The following KDM4B variants were observed in gnomAD, a reference collection of about 807,000 sequenced individuals.
The protein encoded by KDM4B is lysine demethylase 4B.
Under a neutral mutation model 125.2 loss-of-function variants are expected in KDM4B, and 32 were observed. The ratio of observed to expected loss-of-function variants is 0.26; its 90% CI spans 0.19 to 0.34. The LOEUF is 0.34. Among genes scored for constraint, KDM4B ranks in the 10% least tolerant of loss-of-function variants. KDM4B has a pLI of 1.00. For missense variants in KDM4B, 1,190 were observed against 1,577.7 expected, an observed-to-expected ratio of 0.75 and a Z score of 4.16; for synonymous variants, 721 against 677.9, an observed-to-expected ratio of 1.06 and a Z score of -0.99.
chr19:5,003,092 C>T (rs188157437), intron 1 of KDM4B, among the ~76,000 whole-genome samples: 18 of 152,320 alleles, frequency 1.2e-4, no homozygotes, highest in Admixed American at 3.9e-4. Context: ...TTTACACTCA[C>T]GTTCCGATTC....
chr19:5,114,191 C>A lies in KDM4B; in HGVS notation c.1115+3373C>A. On this transcript the variant is annotated intron_variant, in intron 10 of 22. Coordinates refer to ENST00000159111, the MANE Select transcript of KDM4B (RefSeq NM_015015.3). The surrounding 1 kb of genome is among the most constrained non-coding windows in gnomAD (Gnocchi z 5.8). Reference sequence around the variant, plus strand: ...CTCCTCCATGCAAACTCTTTCCACGCGAGAAGCGCCATGTGCACGTGCTCC... The same window carrying A: ...CTCCTCCATGCAAACTCTTTCCACGAGAGAAGCGCCATGTGCACGTGCTCC... The A allele has an allele frequency of 3.1e-6, 4 of 1,289,752 alleles. No homozygotes were observed. Among genetic ancestry groups the A allele is most frequent in the Non-Finnish European group, 3.0e-6 (3 of 988,850 alleles). 79.9% of individuals were successfully genotyped at this position (1,289,752 alleles called of 1,614,324 possible).
At chr19:5,059,866 C>T (rs1399586274) in intron 6 of KDM4B, among the ~76,000 whole-genome samples, 1 of 152,358 alleles carries the variant, frequency 6.6e-6, no homozygotes, top group East Asian at 1.9e-4. Flanking sequence ...CACAGAGACT[C>T]AGACTCCCAC....
At chr19:5,088,879 C>T (rs1021427117) in intron 9 of KDM4B, among the ~76,000 whole-genome samples, 8 of 152,306 alleles carry the variant, frequency 5.3e-5, no homozygotes, top group Admixed American at 2.0e-4. Context: ...CTCTGCCATC[C>T]GCTCAGCCAT....
At chr19:5,103,411 G>A (rs969733320) in intron 9 of KDM4B, among the ~76,000 whole-genome samples, 2 of 152,230 alleles carry the variant, frequency 1.3e-5, no homozygotes, top group Non-Finnish European at 2.9e-5. Context: ...AGCCCCGCCC[G>A]CTTTCTCATT....
At chr19:5,124,412 G>C (rs1230526457) in intron 11 of KDM4B, among the ~76,000 whole-genome samples, 1 of 152,196 alleles carries the variant, frequency 6.6e-6, no homozygotes. Flanking sequence ...TGGCTGGTCA[G>C]AGTCTGTCCT....
At chr19:5,038,492 A>G (rs978788504) in intron 3 of KDM4B, among the ~76,000 whole-genome samples, 1 of 152,148 alleles carries the variant, frequency 6.6e-6, no homozygotes, top group African/African-American at 2.4e-5. Context: ...TCTCGGTTTA[A>G]CTCTAAATTA....
chr19:5,105,108 C>T (rs993480075), intron 9 of KDM4B, among the ~76,000 whole-genome samples: 4 of 152,328 alleles, frequency 2.6e-5, no homozygotes, highest in Admixed American at 6.5e-5. Flanking sequence ...CTGGGGGCAG[C>T]GTGCCCACAG....
intron 1 of KDM4B, among the ~76,000 whole-genome samples, chr19:5,012,045 C>T (rs2035744683): frequency 6.6e-6 from 1 of 152,200 alleles, no homozygotes. Context: ...GGGGCGTTGT[C>T]GTCCGATGCC....
intron 11 of KDM4B, among the ~76,000 whole-genome samples, chr19:5,124,017 C>T (rs1011949332): frequency 7.2e-5 from 11 of 151,832 alleles, no homozygotes; most frequent in Admixed American, 4.6e-4. Flanking sequence ...GGGCTGGGGT[C>T]CCTGGGGGTG....
At chr19:5,049,430 G>C (rs1010961718) in intron 6 of KDM4B, among the ~76,000 whole-genome samples, 80 of 152,172 alleles carry the variant, frequency 5.3e-4, no homozygotes, top group African/African-American at 1.9e-3. Flanking sequence ...CAGTTCTTTC[G>C]GGAAGGGAAT....
rs563126541 is a variant in KDM4B, at chr19:5,100,853, C to T, written c.919-9769C>T. Among the ~76,000 whole-genome samples, 8 of 152,162 alleles carry T rather than the reference C, an allele frequency of 5.3e-5. No homozygotes were observed. The South Asian group carries it at 6.2e-4, about 12-fold the overall frequency. On this transcript the variant is annotated intron_variant, in intron 9 of 22. Coordinates refer to ENST00000159111, the MANE Select transcript of KDM4B (RefSeq NM_015015.3). ...TGAATATTCCTTTTGTTATAAGCCC[C>T]GTTCTTCTTTCATGATGTAGTATCT...
chr19:4,991,882 C>G (rs1184248279), intron 1 of KDM4B, among the ~76,000 whole-genome samples: 1 of 152,166 alleles, frequency 6.6e-6, no homozygotes, highest in African/African-American at 2.4e-5. Flanking sequence ...TGGGTTTTTT[C>G]GCTTGCAATC....
At chr19:5,107,330 C>T (rs1432189366) in intron 9 of KDM4B, among the ~76,000 whole-genome samples, 1 of 152,252 alleles carries the variant, frequency 6.6e-6, no homozygotes, top group Non-Finnish European at 1.5e-5. Context: ...CCAGATTCCC[C>T]CGGATGGTGC....
rs889131296 is a variant in KDM4B, at chr19:5,126,177, C to T, written c.1316-4899C>T. ...CACAGGGGCCAGGGGGCATCAGCAT[C>T]GGGGAGGAAGCCCCTCAGGAGGAGA... is the stretch of plus-strand genomic sequence containing the variant. On this transcript the variant is annotated intron_variant, in intron 11 of 22. Transcript: ENST00000159111. Among the ~76,000 whole-genome samples the T allele has an allele frequency of 1.2e-4, 18 of 152,190 alleles. No homozygotes were observed. In the East Asian group the frequency reaches 2.3e-3, roughly 20 times the overall value.
chr19:4,984,810 C>T (rs1233200953), intron 1 of KDM4B, among the ~76,000 whole-genome samples: 2 of 152,164 alleles, frequency 1.3e-5, no homozygotes, highest in Non-Finnish European at 2.9e-5. Flanking sequence ...ACCCCCACTT[C>T]GCAGGGTACC....
chr19:4,994,020 G>GTTTTTTTTTTTTTTTTTTTTTTT (rs55641886), intron 1 of KDM4B, among the ~76,000 whole-genome samples: 188 of 66,678 alleles, frequency 2.8e-3, no homozygotes, highest in African/African-American at 4.7e-3. Flanking sequence ...TTTTCAGCCT[G>GTTTTTTTTTTTTTTTTTTTTTTT]TTTTTTTTTT....
chr19:5,060,495 C>T (rs1423777510), intron 6 of KDM4B, among the ~76,000 whole-genome samples: 1 of 147,270 alleles, frequency 6.8e-6, no homozygotes, highest in Non-Finnish European at 1.5e-5. Flanking sequence ...GCTGCAGTCC[C>T]TGTCTCTTCA....
At chr19:5,036,054 C>G (rs1484525914) in intron 3 of KDM4B, among the ~76,000 whole-genome samples, 1 of 152,166 alleles carries the variant, frequency 6.6e-6, no homozygotes, top group Admixed American at 6.5e-5. Flanking sequence ...TGCTCTGGCC[C>G]TGGGCAGCCC....
At chr19:5,112,140 C>G (rs368787213) in intron 10 of KDM4B, 3 of 307,754 alleles carry the variant, frequency 9.7e-6, no homozygotes, top group Non-Finnish European at 1.9e-5. Context: ...GTGGTCCCAA[C>G]TACTGAGAAG....
Sources: gnomAD v4.1 joint callset for allele counts (sites outside exome capture counted in the v4.1 genomes callset) on GRCh38, gnomAD v4.1.1 for gene constraint, Gnocchi (gnomAD v3.1) non-coding constraint, MANE v1.5 for transcripts, NCBI Gene and HGNC (gene_info 2026-07-23, HGNC 2026-07-21) for gene names.